Variants in ZBTB7C observed in about 807,000 individuals in gnomAD.
The protein encoded by ZBTB7C is zinc finger and BTB domain-containing protein 7C.
A neutral mutation model predicts 25.7 loss-of-function variants in ZBTB7C; 8 were observed. The observed-to-expected ratio is 0.31, with a 90% CI of 0.18 to 0.56. The LOEUF (loss-of-function observed/expected upper bound fraction) is 0.56. Among genes scored for constraint, ZBTB7C ranks in the 20% least tolerant of loss-of-function variants. The pLI, the probability that ZBTB7C is intolerant of heterozygous loss-of-function variation, is 0.91. For missense variants in ZBTB7C, 824 were observed against 855.2 expected (o/e 0.96, Z 0.46); for synonymous variants, 394 against 369.0 (o/e 1.07, Z -0.78).
intron 2 of ZBTB7C, among the ~76,000 whole-genome samples, chr18:48,301,308 G>GT (rs2045537685): frequency 6.6e-6 from 1 of 152,130 alleles, no homozygotes; most frequent in Admixed American, 6.5e-5. Flanking sequence ...GCAAAACCCT[G>GT]TCTCTACAAA....
chr18:48,200,043 C>A (rs2145197395), intron 2 of ZBTB7C, among the ~76,000 whole-genome samples: 1 of 151,306 alleles, frequency 6.6e-6, no homozygotes, highest in South Asian at 2.1e-4. Flanking sequence ...GACTCTTGGG[C>A]CAGTCAGTTT....
At chr18:48,257,886 C>A (rs1186670481) in intron 2 of ZBTB7C, among the ~76,000 whole-genome samples, 1 of 151,804 alleles carries the variant, frequency 6.6e-6, no homozygotes, top group Non-Finnish European at 1.5e-5. Context: ...CAATAAATAT[C>A]AGCTGGGCAT....
chr18:48,409,065 G>A lies in ZBTB7C; in HGVS notation c.-304+161C>T, dbSNP rs1568431737. 3.3e-5 allele frequency among the ~76,000 whole-genome samples: 5 copies of A among 151,352 alleles called. No homozygotes were observed. The South Asian group carries it at 1.0e-3, about 31-fold the overall frequency. On this transcript the variant is annotated intron_variant, in intron 1 of 4. Transcript: ENST00000590800. ...GGCGCCCCAAGGCGCGCGGACCGCC[G>A]GCCTCCTAGCAACGGCCCCCGCAAT...
intron 1 of ZBTB7C, among the ~76,000 whole-genome samples, chr18:48,373,633 G>A (rs1395754166): frequency 6.6e-6 from 1 of 152,170 alleles, no homozygotes; most frequent in Non-Finnish European, 1.5e-5. Context: ...TGATAAGTGA[G>A]CTCTCATTCT....
chr18:48,285,329 T>TAA (rs758866553), intron 2 of ZBTB7C, among the ~76,000 whole-genome samples: 1 of 152,246 alleles, frequency 6.6e-6, no homozygotes, highest in Non-Finnish European at 1.5e-5. Context: ...GTTAGGCACA[T>TAA]AAAGATTCAT....
chr18:48,295,838 G>A (rs1568359650), intron 2 of ZBTB7C, among the ~76,000 whole-genome samples: 1 of 152,178 alleles, frequency 6.6e-6, no homozygotes, highest in Non-Finnish European at 1.5e-5. Context: ...GAGGGGGGCA[G>A]TCGCAGGCGA....
At chr18:48,364,115 T>A (rs1344761472) in intron 1 of ZBTB7C, 3 of 152,348 alleles carry the variant, frequency 2.0e-5, no homozygotes, top group African/African-American at 7.2e-5. Flanking sequence ...CTAGGCCCCC[T>A]TGTGTCCTCA....
At chr18:48,281,662 A>T (rs1219483805) in intron 2 of ZBTB7C, among the ~76,000 whole-genome samples, 2 of 152,244 alleles carry the variant, frequency 1.3e-5, no homozygotes, top group Non-Finnish European at 2.9e-5. Context: ...ATATGAACAG[A>T]CACTTCTCAA....
At chr18:48,112,519 T>C (rs778443447) in intron 3 of ZBTB7C, among the ~76,000 whole-genome samples, 3 of 152,082 alleles carry the variant, frequency 2.0e-5, no homozygotes, top group African/African-American at 4.8e-5. Flanking sequence ...AGCAGATTTT[T>C]ATATTTTTAG....
intron 3 of ZBTB7C, among the ~76,000 whole-genome samples, chr18:48,086,500 C>T (rs2038196934): frequency 6.6e-6 from 1 of 152,186 alleles, no homozygotes; most frequent in Admixed American, 6.5e-5. Context: ...CGTGTATGGT[C>T]CCATTGCTCA....
chr18:48,196,449 T>C (rs190277666), intron 2 of ZBTB7C, among the ~76,000 whole-genome samples: 2 of 152,316 alleles, frequency 1.3e-5, no homozygotes, highest in East Asian at 3.9e-4. Flanking sequence ...GAGTTTCTAA[T>C]ATGTAATTTC....
chr18:48,102,437 C>T (rs2038862602), intron 3 of ZBTB7C, among the ~76,000 whole-genome samples: 1 of 151,928 alleles, frequency 6.6e-6, no homozygotes. Flanking sequence ...TGGTAGTGCA[C>T]ACCTGTAGTT....
intron 3 of ZBTB7C, among the ~76,000 whole-genome samples, chr18:48,180,112 T>TTTCCTTCCTTCCTTCCTCCC (rs2041867069): frequency 1.9e-5 from 1 of 52,088 alleles, no homozygotes; most frequent in African/African-American, 8.8e-5. Context: ...CCTTCCTTCC[T>TTTCCTTCCTTCCTTCCTCCC]TTCCTTCCTT....
At chr18:48,305,171 T>C (rs2045642470) in intron 2 of ZBTB7C, among the ~76,000 whole-genome samples, 1 of 152,144 alleles carries the variant, frequency 6.6e-6, no homozygotes, top group African/African-American at 2.4e-5. Context: ...CTGTCAAACC[T>C]CAAATTGATT....
rs575878664 is a variant in ZBTB7C at position 48,214,813 on chromosome 18, A to G, written c.-78-28818T>C. 3.9e-5 allele frequency among the ~76,000 whole-genome samples: 6 copies of G among 152,360 alleles called. No homozygotes were observed. The East Asian group carries it at 9.6e-4, about 24-fold the overall frequency. On this transcript the variant is annotated intron_variant, in intron 2 of 4. Transcript: ENST00000590800. The stretch of plus-strand genomic sequence containing the variant: ...AAATAATATTCTATTTTATGTATAT[A>G]TCAAGTTTATCCACTCATCCATCAG...
chr18:48,375,923 A>C (rs1468624545), intron 1 of ZBTB7C, among the ~76,000 whole-genome samples: 1 of 152,224 alleles, frequency 6.6e-6, no homozygotes, highest in Non-Finnish European at 1.5e-5. Context: ...GACCTTAGGC[A>C]AGTCATTTAC....
intron 3 of ZBTB7C, among the ~76,000 whole-genome samples, chr18:48,117,135 TA>T (rs1437891061): frequency 7.9e-5 from 12 of 152,122 alleles, no homozygotes; most frequent in African/African-American, 2.7e-4. Flanking sequence ...AAACCACACA[TA>T]TTTTCAAGCA....
chr18:48,226,534 C>A (rs1336506669), intron 2 of ZBTB7C, among the ~76,000 whole-genome samples: 1 of 152,144 alleles, frequency 6.6e-6, no homozygotes, highest in Non-Finnish European at 1.5e-5. Context: ...AAACTGAGGG[C>A]CAGGCATTTT....
chr18:48,321,043 A>G (rs1414903378), intron 2 of ZBTB7C, among the ~76,000 whole-genome samples: 1 of 152,248 alleles, frequency 6.6e-6, no homozygotes, highest in Non-Finnish European at 1.5e-5. Flanking sequence ...TTAGCTGCCC[A>G]TTGAAATCAC....
Sources: allele counts gnomAD v4.1 joint callset (sites outside exome capture counted in the v4.1 genomes callset), GRCh38; gene constraint gnomAD v4.1.1; transcripts MANE v1.5; gene names NCBI Gene and HGNC (gene_info 2026-07-23, HGNC 2026-07-21).